Variants in PPME1 observed in about 807,000 individuals in gnomAD.
PPME1 encodes protein phosphatase methylesterase 1.
A neutral mutation model predicts 56.9 loss-of-function variants in PPME1; 17 were observed. The observed-to-expected ratio is 0.30, with a 90% CI of 0.20 to 0.45. The LOEUF (loss-of-function observed/expected upper bound fraction) is 0.45, where lower values mean the gene tolerates loss of function less well. PPME1 is among the 20% of genes least tolerant of loss of function. The pLI, the probability that PPME1 is intolerant of heterozygous loss-of-function variation, is 1.00. For synonymous variants in PPME1, 122 were observed against 156.2 expected (o/e 0.78, Z 1.63); for missense variants, 357 against 483.2 (o/e 0.74, Z 2.45).
intron 9 of PPME1, 60 bp downstream of exon 9, chr11:74,239,316 G>T (rs2135670927): frequency 1.3e-6 from 2 of 1,568,038 alleles, no homozygotes; most frequent in East Asian, 4.5e-5. Context: ...ACTGTGTGTG[G>T]GTGGGAAGGG....
rs11236033 is a variant in PPME1, at chr11:74,200,603, G to A, written c.102-3125G>A. ...TTGCAGTGTTGAGCAGGCTGGTCTC[G>A]AACTCCTGACCTCAGCTGATCTGCC... On this transcript the variant is annotated intron_variant, in intron 1 of 13. Transcript: ENST00000328257. Among the ~76,000 whole-genome samples, 670 of 152,108 alleles carry A rather than the reference G, an allele frequency of 4.4e-3. 19 individuals are homozygous for A. The East Asian group carries it at 0.075, about 17-fold the overall frequency.
At chr11:74,250,593 G>GC (rs1410695742) in intron 11 of PPME1, 1 of 187,294 alleles carries the variant, frequency 5.3e-6, no homozygotes, top group African/African-American at 2.3e-5. Context: ...TGCTCTTACA[G>GC]CCCCATGTAG....
chr11:74,190,858 G>A (rs1243954154), intron 1 of PPME1, among the ~76,000 whole-genome samples: 2 of 152,222 alleles, frequency 1.3e-5, no homozygotes, highest in Non-Finnish European at 2.9e-5. Context: ...GAGTTTATTG[G>A]GAACTGGAGT....
At chr11:74,225,164 C>T in intron 4 of PPME1, 41 bp from the exon 5 acceptor site, 1 of 1,336,972 alleles carries the variant, frequency 7.5e-7, no homozygotes, top group South Asian at 1.3e-5. Context: ...TTTATAATTC[C>T]TGTCTGTGGG....
In PPME1 at chr11:74,171,311, C is replaced by A; in HGVS notation, c.-111C>A. The A allele has an allele frequency of 6.6e-7, 1 of 1,510,380 alleles. No homozygotes were observed. Among genetic ancestry groups the A allele is most frequent in the Non-Finnish European group, 8.9e-7 (1 of 1,129,338 alleles). 93.6% of individuals were successfully genotyped at this position (1,510,380 alleles called of 1,614,324 possible). A position where few individuals can be genotyped will look rare whatever the true frequency, so the allele number is the denominator to read the frequency against. On this transcript the variant is annotated 5_prime_UTR_variant, in exon 1 of 14. Coordinates refer to ENST00000328257, the MANE Select transcript of PPME1 (RefSeq NM_016147.3). Reference sequence around the variant, plus strand: ...GGTGCTACGGGTAGCTGGGTGCTGTCCAAAGGCGACAGGGCGTCGTTAGGG... The same window carrying A: ...GGTGCTACGGGTAGCTGGGTGCTGTACAAAGGCGACAGGGCGTCGTTAGGG...
intron 7 of PPME1, among the ~76,000 whole-genome samples, chr11:74,235,060 C>T (rs921857080): frequency 1.3e-5 from 2 of 152,116 alleles, no homozygotes; most frequent in African/African-American, 4.8e-5. Flanking sequence ...CTGATTGCCT[C>T]GGTTTACCAT....
chr11:74,250,839 T>G, intron 11 of PPME1, 115 bp from the exon 12 acceptor site: 3 of 805,660 alleles, frequency 3.7e-6, no homozygotes, highest in East Asian at 2.7e-5. Context: ...TCCAGAGTAT[T>G]GAGGTGAGGT....
At chr11:74,192,690 T>A (rs1229462456) in intron 1 of PPME1, among the ~76,000 whole-genome samples, 2 of 151,932 alleles carry the variant, frequency 1.3e-5, no homozygotes, top group Non-Finnish European at 2.9e-5. Context: ...AATGAGTGAG[T>A]TCTTGCCCTG....
At position 74,188,611 on chromosome 11, in the gene PPME1, A is replaced by G. The variant is rs560929833; in HGVS notation, c.102-15117A>G. 1.5e-4 allele frequency among the ~76,000 whole-genome samples: 23 copies of G among 152,252 alleles called. 1 individual carries two copies. The South Asian group carries it at 4.4e-3, about 29-fold the overall frequency. On this transcript the variant is annotated intron_variant, in intron 1 of 13. Transcript: ENST00000328257. Reference sequence around the variant, plus strand: ...TATATAATTATCTCTTCCCTTAACAACGAAAGTCTTGGTTCCTAATGACAT... The same window carrying G: ...TATATAATTATCTCTTCCCTTAACAGCGAAAGTCTTGGTTCCTAATGACAT...
intron 1 of PPME1, among the ~76,000 whole-genome samples, chr11:74,176,833 C>A (rs895435435): frequency 6.7e-6 from 1 of 148,700 alleles, no homozygotes. Context: ...CGGGTTCAGG[C>A]GATTCTCCTG....
chr11:74,186,802 T>C (rs1857695487), intron 1 of PPME1, among the ~76,000 whole-genome samples: 1 of 152,186 alleles, frequency 6.6e-6, no homozygotes, highest in Non-Finnish European at 1.5e-5. Flanking sequence ...CACTATCCTA[T>C]AAAGGCTCAA....
At chr11:74,251,588 C>T in intron 12 of PPME1, 60 bp from the exon 13 acceptor site, 1 of 1,591,002 alleles carries the variant, frequency 6.3e-7, no homozygotes, top group Non-Finnish European at 8.6e-7. Flanking sequence ...TAGCTCACAG[C>T]CCAAGGCTAA....
chr11:74,224,083 C>A (rs1184728656), intron 4 of PPME1, among the ~76,000 whole-genome samples: 1 of 150,168 alleles, frequency 6.7e-6, no homozygotes, highest in Non-Finnish European at 1.5e-5. Context: ...TTAGGTCTAA[C>A]ATTTAAGTCT....
At chr11:74,251,555 C>T (rs1019196850) in intron 12 of PPME1, 93 bp from the exon 13 acceptor site, 22 of 1,551,298 alleles carry the variant, frequency 1.4e-5, no homozygotes, top group East Asian at 2.3e-5. Context: ...ATGAGGGCAC[C>T]GTAGAGCCTA....
intron 1 of PPME1, among the ~76,000 whole-genome samples, chr11:74,171,844 G>A (rs1469833272): frequency 6.6e-6 from 1 of 152,132 alleles, no homozygotes; most frequent in Non-Finnish European, 1.5e-5. Context: ...CGGTGACAAA[G>A]GTGGAGGAGA....
chr11:74,234,509 G>A (rs1457926097), intron 7 of PPME1, among the ~76,000 whole-genome samples: 1 of 152,204 alleles, frequency 6.6e-6, no homozygotes, highest in East Asian at 1.9e-4. Context: ...AAAACCAGGT[G>A]AGTATATTAA....
At chr11:74,177,158 C>G (rs570434916) in intron 1 of PPME1, among the ~76,000 whole-genome samples, 1 of 152,096 alleles carries the variant, frequency 6.6e-6, no homozygotes, top group African/African-American at 2.4e-5. Flanking sequence ...GTAAATTTCA[C>G]TACAATAAAG....
Position 74,253,675 on chromosome 11 carries a change from A to G in PPME1, c.*165A>G. The G allele has an allele frequency of 2.7e-6, 2 of 754,658 alleles. No individual in the cohort carries two copies. The highest frequency in any genetic ancestry group is 4.5e-6 in the Non-Finnish European group (2 of 448,444). The allele number at this position is 754,658 out of a possible 1,614,324, so 46.7% of individuals were successfully genotyped here. On this transcript the variant is annotated 3_prime_UTR_variant, in exon 14 of 14. Transcript: ENST00000328257. ...TACCAACCTTTTCATGTATTCTGCC[A>G]AAAGCATTGTTTTCCAGGGCCCTTG... is the stretch of plus-strand genomic sequence containing the variant.
intron 3 of PPME1, among the ~76,000 whole-genome samples, chr11:74,214,561 C>G (rs1858573184): frequency 6.6e-6 from 1 of 151,794 alleles, no homozygotes; most frequent in East Asian, 1.9e-4. Flanking sequence ...ATAAAGAATT[C>G]TAAAAGCAGA....
Sources: allele counts gnomAD v4.1 joint callset (sites outside exome capture counted in the v4.1 genomes callset), GRCh38; gene constraint gnomAD v4.1.1; transcripts MANE v1.5; gene names NCBI Gene and HGNC (gene_info 2026-07-23, HGNC 2026-07-21).